The following EPB41L4A variants were observed in gnomAD, a reference collection of about 807,000 sequenced individuals.
The protein encoded by EPB41L4A is band 4.1-like protein 4A.
A neutral mutation model predicts 108.6 loss-of-function variants in EPB41L4A; 100 were observed. The ratio of observed to expected loss-of-function variants is 0.92; its 90% CI spans 0.78 to 1.09. EPB41L4A has a LOEUF of 1.09. Ranked by LOEUF, EPB41L4A falls within the 50% of genes least tolerant of loss-of-function variation. The pLI, the probability that EPB41L4A is intolerant of heterozygous loss-of-function variation, is 0.00. For synonymous variants in EPB41L4A, 319 were observed against 289.0 expected, an observed-to-expected ratio of 1.10 and a Z score of -1.05; for missense variants, 1,030 against 842.7, an observed-to-expected ratio of 1.22 and a Z score of -2.75.
chr5:112,404,308 A>G (rs1299123602), intron 1 of EPB41L4A, among the ~76,000 whole-genome samples: 1 of 152,176 alleles, frequency 6.6e-6, no homozygotes, highest in East Asian at 1.9e-4. Context: ...TCTCCCAACA[A>G]TCTGTGATGC....
At chr5:112,319,737 A>G (rs575142579) in intron 1 of EPB41L4A, among the ~76,000 whole-genome samples, 1 of 152,314 alleles carries the variant, frequency 6.6e-6, no homozygotes, top group Non-Finnish European at 1.5e-5. Context: ...ACATAAGAAA[A>G]TGCAATAAAT....
intron 2 of EPB41L4A, among the ~76,000 whole-genome samples, chr5:112,284,158 C>G (rs910477344): frequency 1.3e-5 from 2 of 152,176 alleles, no homozygotes; most frequent in Non-Finnish European, 2.9e-5. Flanking sequence ...TCATGGAGAA[C>G]TTCCAGAAAG....
intron 9 of EPB41L4A, among the ~76,000 whole-genome samples, chr5:112,246,938 T>A (rs1750279742): frequency 6.6e-6 from 1 of 152,216 alleles, no homozygotes; most frequent in Non-Finnish European, 1.5e-5. Context: ...GGCATAGACC[T>A]GTCTCCCTGG....
intron 22 of EPB41L4A, among the ~76,000 whole-genome samples, chr5:112,167,575 C>T (rs1015215239): frequency 1.3e-5 from 2 of 152,156 alleles, no homozygotes; most frequent in African/African-American, 2.4e-5. Context: ...CATCCCTTAC[C>T]CAGTGACTTC....
chr5:112,190,994 T>C (rs1761668847), intron 17 of EPB41L4A, among the ~76,000 whole-genome samples: 2 of 151,956 alleles, frequency 1.3e-5, no homozygotes, highest in South Asian at 2.1e-4. Flanking sequence ...GAGATGAGGA[T>C]GTAGTAGAGA....
intron 1 of EPB41L4A, among the ~76,000 whole-genome samples, chr5:112,338,562 G>A (rs1757067012): frequency 1.3e-5 from 2 of 151,896 alleles, no homozygotes; most frequent in East Asian, 1.9e-4. Flanking sequence ...CTGGAGATGG[G>A]GGAGGCTTCC....
chr5:112,414,174 T>A (rs1466798109), intron 1 of EPB41L4A, among the ~76,000 whole-genome samples: 9 of 152,118 alleles, frequency 5.9e-5, no homozygotes, highest in African/African-American at 1.7e-4. Flanking sequence ...TATAAAGATA[T>A]GAAGCACGTG....
chr5:112,280,410 ACAACATTTTAAAACTTGGT>A, intron 2 of EPB41L4A, 87 bp from the exon 3 acceptor site: 1 of 1,253,720 alleles, frequency 8.0e-7, no homozygotes, highest in Non-Finnish European at 1.2e-6. Flanking sequence ...TGTTATTTAA[ACAACATTTTAAAACTTGGT>A]CAGTTAAACA....
At chr5:112,283,887 G>A (rs1434037828) in intron 2 of EPB41L4A, among the ~76,000 whole-genome samples, 1 of 152,136 alleles carries the variant, frequency 6.6e-6, no homozygotes, top group Non-Finnish European at 1.5e-5. Flanking sequence ...ATTAACTGCA[G>A]GGTGAGTATA....
At chr5:112,190,560 G>C (rs1213706420) in intron 17 of EPB41L4A, among the ~76,000 whole-genome samples, 1 of 152,206 alleles carries the variant, frequency 6.6e-6, no homozygotes, top group Non-Finnish European at 1.5e-5. Flanking sequence ...ATGGAGGAGA[G>C]GACAGGAGAT....
At chr5:112,321,342 T>C (rs778206192) in intron 1 of EPB41L4A, among the ~76,000 whole-genome samples, 10 of 152,196 alleles carry the variant, frequency 6.6e-5, no homozygotes, top group Non-Finnish European at 1.3e-4. Context: ...ATGACCAAGG[T>C]GAGCATTCTG....
chr5:112,208,794 T>A (rs1218747174), intron 13 of EPB41L4A, among the ~76,000 whole-genome samples: 2 of 152,216 alleles, frequency 1.3e-5, no homozygotes, highest in Admixed American at 1.3e-4. Context: ...AAGCGTGGGA[T>A]CTGAATCTCA....
chr5:112,205,413 C>A lies in EPB41L4A; in HGVS notation c.1262+8G>T, dbSNP rs1208724352. On this transcript the variant is annotated splice_region_variant and intron_variant, in intron 14 of 22. Transcript: ENST00000261486. ...TGTCTCCTTTATAAAAACAATGATT[C>A]CCTTTACCTCTGGGGGCCATTTTCT... 2 of 1,609,494 alleles carry A rather than the reference C, an allele frequency of 1.2e-6. No homozygotes were observed. The highest frequency in any genetic ancestry group is 1.7e-6 in the Non-Finnish European group (2 of 1,175,862).
intron 2 of EPB41L4A, among the ~76,000 whole-genome samples, chr5:112,303,847 G>C (rs1213053783): frequency 6.6e-6 from 1 of 152,118 alleles, no homozygotes; most frequent in Admixed American, 6.5e-5. Context: ...TGCAGAAGGA[G>C]CCAAAGACAG....
intron 14 of EPB41L4A, 124 bp downstream of exon 14, chr5:112,205,297 C>T (rs1175380395): frequency 2.4e-6 from 2 of 829,534 alleles, no homozygotes; most frequent in African/African-American, 1.7e-5. Context: ...GATTTAGAGT[C>T]TGCCCACTTT....
intron 15 of EPB41L4A, among the ~76,000 whole-genome samples, chr5:112,202,419 C>A (rs529110226): frequency 6.6e-6 from 1 of 152,292 alleles, no homozygotes; most frequent in Non-Finnish European, 1.5e-5. Flanking sequence ...CACCTTCAAT[C>A]CTACTTATAC....
chr5:112,264,852 T>C (rs373085428), intron 6 of EPB41L4A, 44 bp downstream of exon 6: 5 of 1,579,678 alleles, frequency 3.2e-6, no homozygotes, highest in East Asian at 2.3e-5. Flanking sequence ...CAGAAGATGA[T>C]GACTGATGGA....
At chr5:112,353,585 G>A (rs1008851858) in intron 1 of EPB41L4A, among the ~76,000 whole-genome samples, 11 of 152,138 alleles carry the variant, frequency 7.2e-5, no homozygotes, top group African/African-American at 2.7e-4. Flanking sequence ...CCTGTGGGAG[G>A]TGTGTACAAA....
intron 12 of EPB41L4A, among the ~76,000 whole-genome samples, chr5:112,154,015 C>G (rs2112813607): frequency 6.6e-6 from 1 of 152,098 alleles, no homozygotes; most frequent in South Asian, 2.1e-4. Flanking sequence ...CTGGCACACA[C>G]CAATATGGCC....
Sources: allele counts gnomAD v4.1 joint callset (sites outside exome capture counted in the v4.1 genomes callset), GRCh38; gene constraint gnomAD v4.1.1; transcripts MANE v1.5; gene names NCBI Gene and HGNC (gene_info 2026-07-23, HGNC 2026-07-21).